The following SGCZ variants were observed in gnomAD, a reference collection of about 807,000 sequenced individuals.
SGCZ encodes sarcoglycan zeta, also known as zeta-sarcoglycan.
SGCZ carries 40 observed loss-of-function variants against 41.3 expected under a neutral mutation model. The ratio of observed to expected loss-of-function variants is 0.97; its 90% CI spans 0.75 to 1.26. The LOEUF (loss-of-function observed/expected upper bound fraction) is 1.26, where lower values mean the gene tolerates loss of function less well. Ranked by LOEUF, SGCZ falls within the 50% of genes most tolerant of loss-of-function variation. The probability of loss-of-function intolerance (pLI) is 0.00; values close to 1 mark genes in which losing one functional copy is unlikely to be tolerated. For synonymous variants in SGCZ, 206 were observed against 137.5 expected (o/e 1.50, Z -3.49); for missense variants, 552 against 369.8 (o/e 1.49, Z -4.04).
At chr8:14,328,429 C>G (rs1056948702) in intron 2 of SGCZ, among the ~76,000 whole-genome samples, 3 of 152,110 alleles carry the variant, frequency 2.0e-5, no homozygotes, top group African/African-American at 4.8e-5. Context: ...GTGCCAATCA[C>G]TTAACTAATC....
chr8:14,610,241 A>T (rs150643995), intron 1 of SGCZ, among the ~76,000 whole-genome samples: 1 of 152,304 alleles, frequency 6.6e-6, no homozygotes, highest in East Asian at 1.9e-4. Context: ...CTTGAGAAAC[A>T]GTAGATGTAA....
At chr8:14,377,578 T>C (rs189067964) in intron 2 of SGCZ, among the ~76,000 whole-genome samples, 220 of 152,178 alleles carry the variant, frequency 1.4e-3, no homozygotes, top group African/African-American at 5.1e-3. Context: ...GTGCACATTG[T>C]GCAGGTTAGT....
At chr8:14,803,590 T>C (rs1310467273) in intron 1 of SGCZ, among the ~76,000 whole-genome samples, 6 of 150,484 alleles carry the variant, frequency 4.0e-5, no homozygotes, top group African/African-American at 1.5e-4. Flanking sequence ...GCCCAGGGAG[T>C]CTCCCTGATT....
intron 1 of SGCZ, among the ~76,000 whole-genome samples, chr8:15,109,322 A>G (rs1806954473): frequency 6.6e-6 from 1 of 152,134 alleles, no homozygotes; most frequent in Admixed American, 6.6e-5. Flanking sequence ...TTACAAATCA[A>G]CTAAAATTCA....
chr8:14,278,267 G>C (rs954261509), intron 3 of SGCZ, among the ~76,000 whole-genome samples: 2 of 152,102 alleles, frequency 1.3e-5, no homozygotes, highest in African/African-American at 2.4e-5. Context: ...TGTCACATTT[G>C]TGAGACCTCT....
intron 2 of SGCZ, among the ~76,000 whole-genome samples, chr8:14,356,437 A>G (rs1484859678): frequency 6.6e-6 from 1 of 152,148 alleles, no homozygotes; most frequent in Non-Finnish European, 1.5e-5. Flanking sequence ...TGATGAACAA[A>G]TGGAAATACT....
At chr8:14,998,589 G>C (rs1214789758) in intron 1 of SGCZ, among the ~76,000 whole-genome samples, 1 of 152,172 alleles carries the variant, frequency 6.6e-6, no homozygotes, top group Admixed American at 6.5e-5. Context: ...TTCTGCCATA[G>C]TTTTAAAGTA....
chr8:15,172,164 T>TATATATTTATTTA, intron 1 of SGCZ, among the ~76,000 whole-genome samples: 1 of 108,610 alleles, frequency 9.2e-6, no homozygotes, highest in Admixed American at 9.3e-5. Flanking sequence ...GTTTTTTTTT[T>TATATATTTATTTA]TTTTTTTTTT....
Position 15,038,871 on chromosome 8 carries a change from T to C in SGCZ, c.39+198714A>G, listed in dbSNP as rs564506128. ...AAGAAAGAAAACAGGCCAAAAGATA[T>C]GCGAAAAACTGCTTAACATCACTAA... On this transcript the variant is annotated intron_variant, in intron 1 of 7. Coordinates refer to ENST00000382080, the MANE Select transcript of SGCZ (RefSeq NM_139167.4). Among the ~76,000 whole-genome samples the C allele has an allele frequency of 3.6e-5, 5 of 139,610 alleles. No homozygotes were observed. In the South Asian group the frequency reaches 6.8e-4, roughly 19 times the overall value. 91.6% of individuals were successfully genotyped at this position (139,610 alleles called of 152,430 possible).
chr8:14,359,695 C>T lies in SGCZ; in HGVS notation c.235-35491G>A, dbSNP rs143887729. On this transcript the variant is annotated intron_variant, in intron 2 of 7. Coordinates refer to ENST00000382080, the MANE Select transcript of SGCZ (RefSeq NM_139167.4). ...GACCTCACTATTGAAGCTGGAGAAA[C>T]ATTTAAAGAACTAATATCGATTCTA... 8.9e-3 allele frequency among the ~76,000 whole-genome samples: 1,344 copies of T among 151,256 alleles called. 13 individuals are homozygous for T. The highest frequency in any genetic ancestry group is 0.021 in the South Asian group (98 of 4,766).
At chr8:14,246,579 TA>T (rs1391707793) in intron 3 of SGCZ, among the ~76,000 whole-genome samples, 3 of 147,966 alleles carry the variant, frequency 2.0e-5, no homozygotes, top group African/African-American at 7.6e-5. Flanking sequence ...ACATGTACCC[TA>T]AAACTTAAAG....
intron 2 of SGCZ, among the ~76,000 whole-genome samples, chr8:14,391,202 A>T (rs1804757541): frequency 6.6e-6 from 1 of 152,160 alleles, no homozygotes; most frequent in Admixed American, 6.6e-5. Flanking sequence ...AAGACTGGCC[A>T]AACAAAATGA....
intron 1 of SGCZ, among the ~76,000 whole-genome samples, chr8:15,112,901 T>C (rs1807124990): frequency 1.3e-5 from 2 of 152,140 alleles, no homozygotes; most frequent in Non-Finnish European, 2.9e-5. Context: ...TTTGAAGTCA[T>C]GCGTTGTGTG....
intron 2 of SGCZ, among the ~76,000 whole-genome samples, chr8:14,378,876 A>T (rs1804247679): frequency 6.6e-6 from 1 of 152,180 alleles, no homozygotes; most frequent in Non-Finnish European, 1.5e-5. Flanking sequence ...AGTCATACAT[A>T]TTAACAGACC....
chr8:14,394,143 C>CTTTTTTTTTTTT (rs75054512), intron 2 of SGCZ, among the ~76,000 whole-genome samples: 1 of 117,496 alleles, frequency 8.5e-6, no homozygotes, highest in Non-Finnish European at 1.7e-5. Context: ...CGCCCCCCAC[C>CTTTTTTTTTTTT]TTTTTTTTTT....
At chr8:14,753,817 G>C (rs891534883) in intron 1 of SGCZ, among the ~76,000 whole-genome samples, 2 of 152,186 alleles carry the variant, frequency 1.3e-5, no homozygotes, top group South Asian at 2.1e-4. Flanking sequence ...GGATGGAGAA[G>C]CCCAGGGTGG....
chr8:14,868,308 C>A (rs1029458921), intron 1 of SGCZ, among the ~76,000 whole-genome samples: 4 of 152,192 alleles, frequency 2.6e-5, no homozygotes, highest in African/African-American at 9.7e-5. Context: ...GTTCCTTTCA[C>A]TGTGGCATGT....
intron 3 of SGCZ, among the ~76,000 whole-genome samples, chr8:14,256,652 C>G (rs770670753): frequency 6.6e-6 from 1 of 152,114 alleles, no homozygotes; most frequent in Non-Finnish European, 1.5e-5. Context: ...ATGTAGTTTA[C>G]CATAACCAAT....
intron 1 of SGCZ, among the ~76,000 whole-genome samples, chr8:15,064,747 T>C (rs1563479831): frequency 6.6e-6 from 1 of 152,106 alleles, no homozygotes; most frequent in Non-Finnish European, 1.5e-5. Context: ...TTTGGGGGGA[T>C]CAGTGAGATA....
Sources: allele counts gnomAD v4.1 joint callset (sites outside exome capture counted in the v4.1 genomes callset), GRCh38; gene constraint gnomAD v4.1.1; transcripts MANE v1.5; gene names NCBI Gene and HGNC (gene_info 2026-07-23, HGNC 2026-07-21).